Variants in GHR observed in about 807,000 individuals in gnomAD.
GHR encodes growth hormone receptor, also known as GH receptor.
A neutral mutation model predicts 67.1 loss-of-function variants in GHR; 35 were observed. That is an observed-to-expected ratio of 0.52 (90% CI 0.40 to 0.69). The LOEUF is 0.69. GHR is among the 30% of genes least tolerant of loss of function. The pLI is 0.00. For synonymous variants in GHR, 272 were observed against 269.1 expected (o/e 1.01, Z -0.10); for missense variants, 792 against 764.6 (o/e 1.04, Z -0.42).
chr5:42,430,005 C>T (rs1743022233), intron 1 of GHR, among the ~76,000 whole-genome samples: 1 of 152,196 alleles, frequency 6.6e-6, no homozygotes, highest in Non-Finnish European at 1.5e-5. Flanking sequence ...GATGTGCATG[C>T]AGGACATGTC....
intron 1 of GHR, chr5:42,465,272 C>A: frequency 1.6e-6 from 1 of 625,484 alleles, no homozygotes; most frequent in South Asian, 2.0e-5. Flanking sequence ...ATTTGATTTT[C>A]TTATACTGAA....
chr5:42,575,843 G>A (rs1372859334), intron 2 of GHR, among the ~76,000 whole-genome samples: 1 of 151,342 alleles, frequency 6.6e-6, no homozygotes. Flanking sequence ...AGACCAGCCT[G>A]GCCAACATGG....
intron 1 of GHR, among the ~76,000 whole-genome samples, chr5:42,477,533 C>A (rs1345866091): frequency 6.6e-6 from 1 of 152,216 alleles, no homozygotes; most frequent in Non-Finnish European, 1.5e-5. Flanking sequence ...TCCACATCCT[C>A]TCCAGCACCT....
chr5:42,699,783 T>A (rs766702781), intron 5 of GHR, 41 bp from the exon 6 acceptor site: 2 of 1,340,292 alleles, frequency 1.5e-6, no homozygotes, highest in East Asian at 4.6e-5. Flanking sequence ...TAATATTAAA[T>A]TGTGTCTGTC....
intron 2 of GHR, among the ~76,000 whole-genome samples, chr5:42,597,453 G>A (rs777456241): frequency 3.3e-5 from 5 of 152,070 alleles, no homozygotes; most frequent in Non-Finnish European, 5.9e-5. Context: ...GCCCATAGGT[G>A]GATCCAGTAC....
rs551112183 is a variant in GHR, at chr5:42,618,079, G to A, written c.71-10959G>A. The stretch of plus-strand genomic sequence containing the variant: ...TCAATAGAGCCGAGAACTTCAGAAG[G>A]CACAACAAAAAAAGGGCAAAGTTCA... On this transcript the variant is annotated intron_variant, in intron 2 of 9. Transcript: ENST00000230882. Among the ~76,000 whole-genome samples the A allele has an allele frequency of 2.0e-4, 31 of 152,042 alleles. 2 individuals are homozygous for A. The highest frequency in any genetic ancestry group is 7.0e-4 in the African/African-American group (29 of 41,488).
At chr5:42,544,588 T>C (rs1748654141) in intron 1 of GHR, among the ~76,000 whole-genome samples, 1 of 152,192 alleles carries the variant, frequency 6.6e-6, no homozygotes, top group Non-Finnish European at 1.5e-5. Flanking sequence ...GAGATGTTTA[T>C]TGTAACATTA....
At chr5:42,511,878 G>T (rs968441277) in intron 1 of GHR, among the ~76,000 whole-genome samples, 3 of 152,060 alleles carry the variant, frequency 2.0e-5, no homozygotes, top group Admixed American at 1.3e-4. Flanking sequence ...ACTGTGATAT[G>T]GGTTGAATTC....
intron 2 of GHR, among the ~76,000 whole-genome samples, chr5:42,582,816 A>G (rs1040075494): frequency 6.6e-6 from 1 of 152,220 alleles, no homozygotes; most frequent in Non-Finnish European, 1.5e-5. Context: ...ATTTGCGTAC[A>G]TCAGATGCAG....
intron 2 of GHR, among the ~76,000 whole-genome samples, chr5:42,596,007 G>T (rs1479544387): frequency 6.6e-6 from 1 of 152,230 alleles, no homozygotes. Context: ...AAATAAATTA[G>T]AAGGGAGAAA....
At chr5:42,646,428 T>C (rs1245966275) in intron 3 of GHR, 1 of 408,638 alleles carries the variant, frequency 2.4e-6, no homozygotes, top group Non-Finnish European at 4.8e-6. Flanking sequence ...TTAGTGTACA[T>C]CACCCATAAT....
intron 1 of GHR, among the ~76,000 whole-genome samples, chr5:42,498,756 T>C (rs1509452): frequency 0.16 from 25,017 of 152,236 alleles, 2,286 homozygotes; most frequent in Middle Eastern, 0.27. Context: ...GGATTATCTC[T>C]GCAAGGGAAC....
chr5:42,642,441 G>C (rs1413358795), intron 3 of GHR, among the ~76,000 whole-genome samples: 1 of 152,076 alleles, frequency 6.6e-6, no homozygotes, highest in Non-Finnish European at 1.5e-5. Context: ...AAAAGAGGGA[G>C]AGAGAGAGAA....
In GHR at chr5:42,543,920, T is replaced by A. The variant is rs543022834; in HGVS notation, c.-11-21944T>A. Among the ~76,000 whole-genome samples the A allele has an allele frequency of 5.5e-3, 834 of 151,938 alleles. 8 individuals carry two copies. Among genetic ancestry groups the A allele is most frequent in the Middle Eastern group, 0.041 (12 of 294 alleles). On this transcript the variant is annotated intron_variant, in intron 1 of 9. Transcript: ENST00000230882. ...TCAGTACTACTCTCAATTTTTTTTT[T>A]AAAAAAACAACCTAATATTGCAGTG...
chr5:42,706,351 T>C (rs986294385), intron 6 of GHR, among the ~76,000 whole-genome samples: 4 of 151,830 alleles, frequency 2.6e-5, no homozygotes, highest in African/African-American at 9.7e-5. Flanking sequence ...ATTATCTGTT[T>C]TTTCAGTTGT....
intron 1 of GHR, among the ~76,000 whole-genome samples, chr5:42,427,662 C>G (rs1203527424): frequency 6.6e-6 from 1 of 151,906 alleles, no homozygotes; most frequent in Non-Finnish European, 1.5e-5. Flanking sequence ...AGCATTAACT[C>G]AAAAATCCAC....
At chr5:42,691,098 T>G (rs978001237) in intron 4 of GHR, among the ~76,000 whole-genome samples, 1 of 152,090 alleles carries the variant, frequency 6.6e-6, no homozygotes, top group African/African-American at 2.4e-5. Flanking sequence ...AGGCATCTTA[T>G]GCACACTCCA....
intron 1 of GHR, among the ~76,000 whole-genome samples, chr5:42,560,263 G>A (rs1394320230): frequency 2.6e-5 from 4 of 152,024 alleles, no homozygotes; most frequent in African/African-American, 4.8e-5. Context: ...GCATAATCTC[G>A]GCTCACTGCA....
rs144334881 is a variant in GHR, at chr5:42,449,224, A to C, written c.-12+25269A>C. Among the ~76,000 whole-genome samples, 761 of 152,308 alleles carry C rather than the reference A, an allele frequency of 5.0e-3. 5 individuals are homozygous for C. Among genetic ancestry groups the C allele is most frequent in the Non-Finnish European group, 8.1e-3 (549 of 68,032 alleles). ...ATTAAATTTGTAGATTGCTTTTGGC[A>C]GTATGTTCATTTTCACAATATTGAT... On this transcript the variant is annotated intron_variant, in intron 1 of 9. Coordinates refer to ENST00000230882, the MANE Select transcript of GHR (RefSeq NM_000163.5).
Sources: gnomAD v4.1 joint callset for allele counts (sites outside exome capture counted in the v4.1 genomes callset) on GRCh38, gnomAD v4.1.1 for gene constraint, MANE v1.5 for transcripts, NCBI Gene and HGNC (gene_info 2026-07-23, HGNC 2026-07-21) for gene names.